MMRN1: variants seen among roughly 807,000 people sequenced by gnomAD.
The protein encoded by MMRN1 is multimerin-1.
MMRN1 carries 94 observed loss-of-function variants against 100.7 expected under a neutral mutation model. That is an observed-to-expected ratio of 0.93 (90% CI 0.79 to 1.11). MMRN1 has a LOEUF of 1.11. Among genes scored for constraint, MMRN1 ranks in the 50% least tolerant of loss-of-function variants. MMRN1 has a pLI of 0.00. For missense variants in MMRN1, 1,606 were observed against 1,439.1 expected, an observed-to-expected ratio of 1.12 and a Z score of -1.88; for synonymous variants, 575 against 505.0, an observed-to-expected ratio of 1.14 and a Z score of -1.86.
At chr4:89,942,080 C>T (rs1050096917) in intron 6 of MMRN1, among the ~76,000 whole-genome samples, 6 of 152,086 alleles carry the variant, frequency 3.9e-5, no homozygotes, top group Admixed American at 3.3e-4. Context: ...GTTTAATGAT[C>T]ACATTCTCTG....
intron 1 of MMRN1, among the ~76,000 whole-genome samples, chr4:89,884,507 T>G (rs1030441003): frequency 2.6e-5 from 4 of 152,172 alleles, no homozygotes; most frequent in Admixed American, 6.6e-5. Flanking sequence ...GCATATGAAC[T>G]ACGATTAATA....
At chr4:89,929,473 T>C (rs1256804800) in intron 5 of MMRN1, among the ~76,000 whole-genome samples, 1 of 152,098 alleles carries the variant, frequency 6.6e-6, no homozygotes, top group Non-Finnish European at 1.5e-5. Context: ...GGAAACATTT[T>C]TCCCCCCTGA....
At chr4:89,888,451 T>A (rs1262918418) in intron 1 of MMRN1, among the ~76,000 whole-genome samples, 1 of 151,822 alleles carries the variant, frequency 6.6e-6, no homozygotes, top group Non-Finnish European at 1.5e-5. Flanking sequence ...GTGTTTTTTT[T>A]TTTCCTGATA....
At chr4:89,895,694 A>G in intron 1 of MMRN1, 100 bp downstream of exon 1, 2 of 1,440,264 alleles carry the variant, frequency 1.4e-6, no homozygotes, top group Non-Finnish European at 9.2e-7. Flanking sequence ...TTCAAATTCA[A>G]GATGAAATTG....
At position 89,927,896 on chromosome 4, in the gene MMRN1, A is replaced by ATTCC. The variant is rs1380695664; in HGVS notation, c.1057_1058insTTCC (p.Arg353IlefsTer16). On this transcript the variant is annotated frameshift_variant, in exon 5 of 8. Coordinates refer to ENST00000264790, the MANE Select transcript of MMRN1 (RefSeq NM_007351.3). LOFTEE classifies it high-confidence loss of function. ...TATTTCTTTGACTGTGAATGATGTA[A>ATTCC]GGAACACTTACTCCTCCCTAGAAGG... 6.2e-7 allele frequency: 1 copy of ATTCC among 1,611,726 alleles called. No homozygotes were observed. The highest frequency in any genetic ancestry group is 8.5e-7 in the Non-Finnish European group (1 of 1,178,938).
intron 1 of MMRN1, among the ~76,000 whole-genome samples, chr4:89,886,624 G>A (rs892504662): frequency 1.3e-5 from 2 of 152,052 alleles, no homozygotes; most frequent in Non-Finnish European, 2.9e-5. Context: ...ACTAAAGGAA[G>A]GATGTTAATA....
chr4:89,884,400 A>G (rs565902673), intron 1 of MMRN1, among the ~76,000 whole-genome samples: 19 of 152,044 alleles, frequency 1.2e-4, no homozygotes, highest in Non-Finnish European at 2.5e-4. Context: ...CACTGCAAAA[A>G]TCTTGCAAAA....
chr4:89,908,167 T>C (rs1368843882), intron 1 of MMRN1, among the ~76,000 whole-genome samples: 5 of 151,292 alleles, frequency 3.3e-5, no homozygotes, highest in African/African-American at 9.7e-5. Flanking sequence ...AGTTTGAAAA[T>C]TGTTCCCAGG....
In MMRN1 at chr4:89,936,092, G is replaced by A; in HGVS notation, c.2412G>A (p.Lys804=). Residue 804 remains lysine (K), a synonymous_variant, in exon 6 of 8, where the codon AAG becomes AAA. Transcript: ENST00000264790. The part of the protein sequence containing the change: ...QRYNFVLQVA[K]TLAGIPRDEK... ...ATAACTTTGTTTTGCAAGTCGCCAA[G>A]ACCCTTGCAGGTATTCCCAGAGATG... The A allele has an allele frequency of 6.2e-7, 1 of 1,612,088 alleles. No individual in the cohort carries two copies.
Position 89,936,148 on chromosome 4 carries a change from T to A in MMRN1, c.2468T>A (p.Met823Lys). 6.2e-7 allele frequency: 1 copy of A among 1,612,438 alleles called. No individual in the cohort carries two copies. The highest frequency in any genetic ancestry group is 8.5e-7 in the Non-Finnish European group (1 of 1,179,550). Residue 823 changes from methionine (M) to lysine (K), a missense_variant, in exon 6 of 8, where the codon ATG (methionine) becomes AAG (lysine). Met to Lys is a moderately conservative substitution (Grantham distance 95). Coordinates refer to ENST00000264790, the MANE Select transcript of MMRN1 (RefSeq NM_007351.3). Reference sequence around the variant, plus strand: ...CTAAATCAGTCCAACTTCCAAAAGATGTATCAAATGTTCAATGAAACCACT... The same window carrying A: ...CTAAATCAGTCCAACTTCCAAAAGAAGTATCAAATGTTCAATGAAACCACT... ...EKLNQSNFQK[M>K]YQMFNETTSQ...
upstream of MMRN1, among the ~76,000 whole-genome samples, chr4:89,890,975 C>T (rs576956047): frequency 9.9e-5 from 15 of 151,992 alleles, no homozygotes; most frequent in East Asian, 2.5e-3. Flanking sequence ...CCCACTCAAA[C>T]CTAAATTTTC....
intron 1 of MMRN1, among the ~76,000 whole-genome samples, chr4:89,906,711 C>T (rs556982639): frequency 6.6e-6 from 1 of 151,490 alleles, no homozygotes; most frequent in East Asian, 1.9e-4. Context: ...TTTTTAATAT[C>T]CCTTAATGAG....
At position 89,936,303 on chromosome 4, in the gene MMRN1, C is replaced by T. The variant is rs537171334; in HGVS notation, c.2623C>T (p.Pro875Ser). ...IESKVTQTLI[P>S]YYISVKKGSV... is the part of the protein sequence containing the mutation. ...GTCTAAAGTTACCCAGACGCTCATA[C>T]CTTATTATATTTCAGTTAAAAAAGG... Residue 875 changes from proline (P) to serine (S), a missense_variant, in exon 6 of 8, where the codon CCT (proline) becomes TCT (serine). Coordinates refer to ENST00000264790, the MANE Select transcript of MMRN1 (RefSeq NM_007351.3). 18 of 1,612,578 alleles carry T rather than the reference C, an allele frequency of 1.1e-5. No homozygotes were observed. The East Asian group carries it at 3.6e-4, about 32-fold the overall frequency.
At chr4:89,883,303 A>G (rs1259433859) in intron 1 of MMRN1, among the ~76,000 whole-genome samples, 1 of 152,054 alleles carries the variant, frequency 6.6e-6, no homozygotes, top group Non-Finnish European at 1.5e-5. Flanking sequence ...TTTCAACTTT[A>G]TAATTGCTGC....
chr4:89,895,517 A>G lies in MMRN1; in HGVS notation c.546A>G (p.Thr182=). 5.0e-6 allele frequency: 8 copies of G among 1,613,836 alleles called. No homozygotes were observed. Among genetic ancestry groups the G allele is most frequent in the Non-Finnish European group, 6.8e-6 (8 of 1,179,898 alleles). ...TGGGAAATCGAGCCCCACGGGAAAC[A>G]TACCTCAGCCGGGGTGACAGCAGTT... ...GGVGNRAPRE[T]YLSRGDSSSS... Residue 182 remains threonine, a synonymous_variant, in exon 1 of 8, where the codon ACA becomes ACG. Coordinates refer to ENST00000264790, the MANE Select transcript of MMRN1 (RefSeq NM_007351.3).
chr4:89,895,473 G>A lies in MMRN1; in HGVS notation c.502G>A (p.Val168Ile), dbSNP rs139015467. 57 of 1,613,680 alleles carry A rather than the reference G, an allele frequency of 3.5e-5. No individual in the cohort carries two copies. Among genetic ancestry groups the A allele is most frequent in the Non-Finnish European group, 4.6e-5 (54 of 1,179,916 alleles). ...TGGAGGCACTGGAGGCATTGGAGGC[G>A]TTGGAGGCACTGGAGGCGTGGGAAA... ...TVGGTGGIGG[V>I]GGTGGVGNRA... Residue 168 changes from valine (V) to isoleucine (I), a missense_variant, in exon 1 of 8, where the codon GTT becomes ATT. Physicochemically the swap from Val to Ile is conservative, Grantham distance 29. Transcript: ENST00000264790.
rs201813411 is a variant in MMRN1, at chr4:89,927,800, A to T, written c.961A>T (p.Met321Leu). The T allele has an allele frequency of 3.3e-5, 53 of 1,609,946 alleles. No individual in the cohort carries two copies. The highest frequency in any genetic ancestry group is 1.5e-4 in the African/African-American group (11 of 74,694). ...ATTTTCTCTTCTATATGCAGAAGTGATGCAAAAAATGACTGATCAGGTGAA... is the reference window on the plus strand; with the variant it reads ...ATTTTCTCTTCTATATGCAGAAGTGTTGCAAAAAATGACTGATCAGGTGAA... ...QQQGCGDPEVMQKMTDQVNYQ... is the reference protein window; with the variant it reads ...QQQGCGDPEVLQKMTDQVNYQ... The change falls in exon 5 of 8, where the codon ATG becomes TTG. Residue 321 changes from methionine to leucine, a missense_variant. Met to Leu is a conservative substitution (Grantham distance 15). Coordinates refer to ENST00000264790, the MANE Select transcript of MMRN1 (RefSeq NM_007351.3).
chr4:89,910,925 T>C (rs1721728254), intron 2 of MMRN1, among the ~76,000 whole-genome samples: 1 of 151,450 alleles, frequency 6.6e-6, no homozygotes, highest in South Asian at 2.1e-4. Context: ...GTTGTCTCCA[T>C]ATAGTTGTAC....
At chr4:89,951,302 T>C (rs1036614573) in intron 6 of MMRN1, 2 of 234,446 alleles carry the variant, frequency 8.5e-6, no homozygotes, top group African/African-American at 4.5e-5. Flanking sequence ...GTTTCAAATA[T>C]ACATGATTTG....
Sources: allele counts gnomAD v4.1 joint callset (sites outside exome capture counted in the v4.1 genomes callset), GRCh38; gene constraint gnomAD v4.1.1; transcripts MANE v1.5; gene names NCBI Gene and HGNC (gene_info 2026-07-23, HGNC 2026-07-21).